BTBD17: variants seen among roughly 807,000 people sequenced by gnomAD.
BTBD17 encodes BTB domain containing 17, also known as BTB/POZ domain-containing protein 17.
In BTBD17, 26 loss-of-function variants were observed where a neutral mutation model predicts 36.9. The ratio of observed to expected loss-of-function variants is 0.70; its 90% CI spans 0.52 to 0.98. BTBD17 has a LOEUF of 0.98. BTBD17 is among the 50% of genes least tolerant of loss of function. BTBD17 has a pLI of 0.00. For missense variants in BTBD17, 630 were observed against 691.3 expected (o/e 0.91, Z 0.99); for synonymous variants, 341 against 338.0 (o/e 1.01, Z -0.10).
At chr17:74,362,348 C>A (rs560887330), upstream of BTBD17, among the ~76,000 whole-genome samples, 4 of 152,344 alleles carry the variant, frequency 2.6e-5, no homozygotes, top group African/African-American at 9.6e-5. Flanking sequence ...ACCCCTCCCC[C>A]ACTCCCATTT....
Position 74,357,204 on chromosome 17 carries a change from G to A in BTBD17, c.890C>T (p.Pro297Leu). The change falls in exon 3 of 3, where the codon CCG (proline) becomes CTG (leucine). Residue 297 changes from proline (P) to leucine (L), a missense_variant. Physicochemically the swap from Pro to Leu is moderately conservative, Grantham distance 98. Coordinates refer to ENST00000375366, the MANE Select transcript of BTBD17 (RefSeq NM_001080466.2). The surrounding 1 kb of genome is among the most constrained non-coding windows in gnomAD (Gnocchi z 8.4). ...LQAYQFHAAS[P>L]LHYAKFFDVN... ...GTCGAAGAACTTGGCGTAGTGCAGC[G>A]GCGACGCGGCGTGGAACTGGTAGGC... The A allele has an allele frequency of 6.4e-7, 1 of 1,573,490 alleles. No homozygotes were observed. Among genetic ancestry groups the A allele is most frequent in the Non-Finnish European group, 8.6e-7 (1 of 1,164,448 alleles).
chr17:74,361,945 C>T (rs572213960), upstream of BTBD17: 7 of 710,184 alleles, frequency 9.9e-6, 1 homozygote, highest in South Asian at 1.1e-4. Flanking sequence ...TGGCCTCCCT[C>T]CCCCACTCAG....
Position 74,357,837 on chromosome 17 carries a change from G to T in BTBD17, c.363-106C>A. 1 of 877,028 alleles carries T rather than the reference G, an allele frequency of 1.1e-6. No homozygotes were observed. The highest frequency in any genetic ancestry group is 1.7e-6 in the Non-Finnish European group (1 of 596,038). The allele number at this position is 877,028 out of a possible 1,614,324, so 54.3% of individuals were successfully genotyped here. A position where few individuals can be genotyped will look rare whatever the true frequency, so the allele number is the denominator to read the frequency against. On this transcript the variant is annotated intron_variant, in intron 2 of 2. Coordinates refer to ENST00000375366, the MANE Select transcript of BTBD17 (RefSeq NM_001080466.2). The surrounding 1 kb of genome is among the most constrained non-coding windows in gnomAD (Gnocchi z 8.4). ...CCCGGCCTGGAGTTGGAGCTTCACT[G>T]TCCGGGTGCAAACACAGTGGAAGCC...
upstream of BTBD17, chr17:74,361,908 C>G (rs951432891): frequency 9.3e-7 from 1 of 1,079,294 alleles, no homozygotes; most frequent in East Asian, 2.8e-5. Context: ...GGATCCGGCA[C>G]AAGGGGACGG....
At chr17:74,358,023 C>T (rs1368094723) in intron 2 of BTBD17, among the ~76,000 whole-genome samples, 2 of 152,210 alleles carry the variant, frequency 1.3e-5, no homozygotes, top group East Asian at 1.9e-4. Flanking sequence ...AGACGTGGCT[C>T]CTGCCTTTGG....
In BTBD17 at chr17:74,357,149, G is replaced by C; in HGVS notation, c.945C>G (p.Asn315Lys). The stretch of plus-strand genomic sequence containing the variant: ...GGGCGCCCCAGGCGGGCGCGAGGTA[G>C]TTGCGGGGCAGGAAGGCGCTGCCGT... ...DVNGSAFLPR[N>K]YLAPAWGAPW... The change falls in exon 3 of 3, where the codon AAC (asparagine) becomes AAG (lysine). Residue 315 changes from asparagine to lysine, a missense_variant. Coordinates refer to ENST00000375366, the MANE Select transcript of BTBD17 (RefSeq NM_001080466.2). The surrounding 1 kb of genome is among the most constrained non-coding windows in gnomAD (Gnocchi z 8.4). 6.5e-7 allele frequency: 1 copy of C among 1,537,462 alleles called. No homozygotes were observed. The highest frequency in any genetic ancestry group is 8.7e-7 in the Non-Finnish European group (1 of 1,148,538).
intron 1 of BTBD17, among the ~76,000 whole-genome samples, chr17:74,360,760 T>TGCTCATAAAA (rs138389400): frequency 0.055 from 8,355 of 152,246 alleles, 747 homozygotes; most frequent in African/African-American, 0.19. Flanking sequence ...CAAGTTCTTA[T>TGCTCATAAAA]GCTCATAAAA....
chr17:74,359,008 A>T (rs759959793), intron 2 of BTBD17, among the ~76,000 whole-genome samples: 4 of 152,124 alleles, frequency 2.6e-5, no homozygotes, highest in African/African-American at 4.8e-5. Context: ...GTTGCCTGGA[A>T]CTTGGAAGCA....
Position 74,356,887 on chromosome 17 carries a change from C to T in BTBD17, c.1207G>A (p.Asp403Asn). The change falls in exon 3 of 3, where the codon GAC becomes AAC. Residue 403 changes from aspartate to asparagine, a missense_variant. Asp to Asn is a conservative substitution (Grantham distance 23). Transcript: ENST00000375366. The surrounding 1 kb of genome is among the most constrained non-coding windows in gnomAD (Gnocchi z 4.3). ...TTCTGGAAGCTCACGCCCGCCGCGT[C>T]GCCGCCGCTGCTGGCCGGCGTCACC... The part of the protein sequence containing the change: ...LVVTPASSGG[D>N]AAGVSFQKTV... The T allele has an allele frequency of 2.0e-6, 3 of 1,483,922 alleles. No homozygotes were observed. The highest frequency in any genetic ancestry group is 1.8e-6 in the Non-Finnish European group (2 of 1,126,660). The allele number at this position is 1,483,922 out of a possible 1,614,324, so 91.9% of individuals were successfully genotyped here.
At chr17:74,362,053 G>A (rs189996690), upstream of BTBD17, 1 of 494,966 alleles carries the variant, frequency 2.0e-6, no homozygotes, top group East Asian at 3.7e-5. Context: ...GCTGCCTGTG[G>A]GCCCCCAAGG....
At chr17:74,358,817 G>A (rs2054916009) in intron 2 of BTBD17, among the ~76,000 whole-genome samples, 1 of 152,068 alleles carries the variant, frequency 6.6e-6, no homozygotes, top group Non-Finnish European at 1.5e-5. Flanking sequence ...CCTTTCCCCT[G>A]CGTGATTGCC....
In BTBD17 at chr17:74,357,294, TG is replaced by T. The variant is rs1303725787; in HGVS notation, c.799del (p.Gln267SerfsTer129). On this transcript the variant is annotated frameshift_variant, in exon 3 of 3. Coordinates refer to ENST00000375366, the MANE Select transcript of BTBD17 (RefSeq NM_001080466.2). LOFTEE classifies it high-confidence loss of function. The surrounding 1 kb of genome is among the most constrained non-coding windows in gnomAD (Gnocchi z 8.4). ...CAGGGCTGCCGAGCGCGCCTGCAGC[TG>T]GAACAGCTGTGCCGGTGGGATCATG... ...YPMIPPAQLF[Q>X]LQARSAALAR... The T allele has an allele frequency of 1.3e-6, 2 of 1,557,320 alleles. No homozygotes were observed. Among genetic ancestry groups the T allele is most frequent in the Non-Finnish European group, 8.6e-7 (1 of 1,156,792 alleles).
intron 2 of BTBD17, 64 bp downstream of exon 2, chr17:74,359,905 G>T: frequency 6.5e-7 from 1 of 1,538,408 alleles, no homozygotes. Context: ...CCCTGACCCT[G>T]TAGGTGGAGG....
At chr17:74,358,201 A>G (rs1199675484) in intron 2 of BTBD17, among the ~76,000 whole-genome samples, 3 of 152,156 alleles carry the variant, frequency 2.0e-5, no homozygotes, top group Non-Finnish European at 4.4e-5. Context: ...GAATCTTGCT[A>G]CAGGCCAGGT....
At chr17:74,362,967 T>TGC (rs1567933440), upstream of BTBD17, among the ~76,000 whole-genome samples, 2 of 97,394 alleles carry the variant, frequency 2.1e-5, no homozygotes, top group African/African-American at 9.8e-5. Context: ...CGCGCGCGCA[T>TGC]GTGTGTGTGT....
At position 74,356,765 on chromosome 17, in the gene BTBD17, C is replaced by T. The variant is rs569894317; in HGVS notation, c.1329G>A (p.Ala443=). 5.1e-5 allele frequency: 81 copies of T among 1,601,644 alleles called. No homozygotes were observed. In the East Asian group the frequency reaches 8.0e-4, roughly 16 times the overall value. Residue 443 remains alanine (A), a synonymous_variant, in exon 3 of 3, where the codon GCG becomes GCA. Coordinates refer to ENST00000375366, the MANE Select transcript of BTBD17 (RefSeq NM_001080466.2). The surrounding 1 kb of genome is among the most constrained non-coding windows in gnomAD (Gnocchi z 4.3). ...QSSEEAGDFL[A]HADLQRRNSE... ...AGTTGCGCCGCTGCAGGTCGGCGTG[C>T]GCCAGGAAGTCGCCGGCCTCCTCGC... is the stretch of plus-strand genomic sequence containing the variant.
In BTBD17 at chr17:74,356,780, G is replaced by A. The variant is rs950173923; in HGVS notation, c.1314C>T (p.Ala438=). ...GGTCGGCGTGCGCCAGGAAGTCGCC[G>A]GCCTCCTCGCTGCTCTGGTGGAAGC... is the stretch of plus-strand genomic sequence containing the variant. The part of the protein sequence containing the change: ...AYSFHQSSEE[A]GDFLAHADLQ... The change falls in exon 3 of 3, where the codon GCC becomes GCT. Residue 438 remains alanine (A), a synonymous_variant. Transcript: ENST00000375366. The surrounding 1 kb of genome is among the most constrained non-coding windows in gnomAD (Gnocchi z 4.3). 3.1e-6 allele frequency: 5 copies of A among 1,602,256 alleles called. No homozygotes were observed. Among genetic ancestry groups the A allele is most frequent in the African/African-American group, 1.3e-5 (1 of 74,106 alleles).
In BTBD17 at chr17:74,359,956, T is replaced by C; in HGVS notation, c.362+13A>G. On this transcript the variant is annotated intron_variant, in intron 2 of 2. Coordinates refer to ENST00000375366, the MANE Select transcript of BTBD17 (RefSeq NM_001080466.2). Reference sequence around the variant, plus strand: ...AAGGGATGAAGCCATCCCCTAGTCTTCCGCGTCCCCACCTGATGAACTTGT... The same window carrying C: ...AAGGGATGAAGCCATCCCCTAGTCTCCCGCGTCCCCACCTGATGAACTTGT... 1 of 1,600,520 alleles carries C rather than the reference T, an allele frequency of 6.2e-7. No individual in the cohort carries two copies. Among genetic ancestry groups the C allele is most frequent in the Non-Finnish European group, 8.5e-7 (1 of 1,170,846 alleles).
chr17:74,357,129 C>A lies in BTBD17; in HGVS notation c.965G>T (p.Gly322Val). The A allele has an allele frequency of 6.5e-7, 1 of 1,528,680 alleles. No homozygotes were observed. Among genetic ancestry groups the A allele is most frequent in the East Asian group, 2.6e-5 (1 of 39,194 alleles). 94.7% of individuals were successfully genotyped at this position (1,528,680 alleles called of 1,614,324 possible). A position where few individuals can be genotyped will look rare whatever the true frequency, so the allele number is the denominator to read the frequency against. ...CGGGTTGTTGATGACCCACGGGGCG[C>A]CCCAGGCGGGCGCGAGGTAGTTGCG... The part of the protein sequence containing the change: ...LPRNYLAPAW[G>V]APWVINNPAR... The change falls in exon 3 of 3, where the codon GGC (glycine) becomes GTC (valine). Residue 322 changes from glycine to valine, a missense_variant. Coordinates refer to ENST00000375366, the MANE Select transcript of BTBD17 (RefSeq NM_001080466.2). The surrounding 1 kb of genome is among the most constrained non-coding windows in gnomAD (Gnocchi z 8.4).
Sources: gnomAD v4.1 joint callset for allele counts (sites outside exome capture counted in the v4.1 genomes callset) on GRCh38, gnomAD v4.1.1 for gene constraint, Gnocchi (gnomAD v3.1) non-coding constraint, MANE v1.5 for transcripts, NCBI Gene and HGNC (gene_info 2026-07-23, HGNC 2026-07-21) for gene names.